The following KCND3 variants were observed in gnomAD, a reference collection of about 807,000 sequenced individuals.
The protein encoded by KCND3 is A-type voltage-gated potassium channel KCND3.
KCND3 carries 9 observed loss-of-function variants against 51.1 expected under a neutral mutation model. The observed-to-expected ratio is 0.18, with a 90% confidence interval of 0.11 to 0.31. The LOEUF (loss-of-function observed/expected upper bound fraction) is 0.31. Among genes scored for constraint, KCND3 ranks in the 10% least tolerant of loss-of-function variants. The probability of loss-of-function intolerance (pLI) is 1.00; values close to 1 mark genes in which losing one functional copy is unlikely to be tolerated. For missense variants in KCND3, 526 were observed against 903.8 expected (o/e 0.58, Z 5.36); for synonymous variants, 349 against 368.0 (o/e 0.95, Z 0.59).
intron 1 of KCND3, among the ~76,000 whole-genome samples, chr1:111,983,143 G>A (rs576340787): frequency 7.9e-5 from 12 of 152,290 alleles, no homozygotes; most frequent in South Asian, 2.1e-4. Context: ...AGGTTATGGC[G>A]TTATTACCAA....
chr1:111,910,799 A>G (rs192162896), intron 2 of KCND3: 4 of 152,318 alleles, frequency 2.6e-5, no homozygotes, highest in Non-Finnish European at 5.9e-5. Flanking sequence ...GAAGACCAGA[A>G]CTGGTCATTT....
intron 2 of KCND3, among the ~76,000 whole-genome samples, chr1:111,813,116 G>A (rs1342955854): frequency 1.3e-5 from 2 of 152,134 alleles, no homozygotes; most frequent in African/African-American, 2.4e-5. Flanking sequence ...TTTGCCTGGA[G>A]GCCAGTGGAC....
intron 2 of KCND3, among the ~76,000 whole-genome samples, chr1:111,977,671 A>G (rs1000154025): frequency 6.6e-6 from 1 of 152,134 alleles, no homozygotes; most frequent in African/African-American, 2.4e-5. Context: ...GTCCTTGCGG[A>G]TGCTCGCTTG....
intron 2 of KCND3, among the ~76,000 whole-genome samples, chr1:111,957,872 A>G (rs1267646565): frequency 6.6e-6 from 1 of 152,180 alleles, no homozygotes; most frequent in Non-Finnish European, 1.5e-5. Context: ...AAAACCCAAA[A>G]TATCGATTCT....
At chr1:111,777,985 G>A (rs1664204153) in intron 6 of KCND3, among the ~76,000 whole-genome samples, 1 of 152,200 alleles carries the variant, frequency 6.6e-6, no homozygotes, top group South Asian at 2.1e-4. Flanking sequence ...AAAAATGGCT[G>A]TTTGGCCAAG....
intron 2 of KCND3, among the ~76,000 whole-genome samples, chr1:111,924,866 ACCTGGGAGGGAAGCCAGAC>A (rs1429038427): frequency 2.0e-5 from 3 of 152,188 alleles, no homozygotes; most frequent in Non-Finnish European, 4.4e-5. Flanking sequence ...GCTGTCTCCT[ACCTGGGAGGGAAGCCAGAC>A]CCTGCATGTG....
At chr1:111,944,239 G>A (rs1672670467) in intron 2 of KCND3, among the ~76,000 whole-genome samples, 1 of 152,184 alleles carries the variant, frequency 6.6e-6, no homozygotes, top group Non-Finnish European at 1.5e-5. Context: ...CCCGGCTGAG[G>A]GGAGAGGAAA....
intron 2 of KCND3, among the ~76,000 whole-genome samples, chr1:111,890,341 G>C (rs574262845): frequency 6.6e-6 from 1 of 152,162 alleles, no homozygotes; most frequent in Non-Finnish European, 1.5e-5. Flanking sequence ...GGATATGGGC[G>C]TGAGATTAAC....
intron 2 of KCND3, among the ~76,000 whole-genome samples, chr1:111,939,392 C>G (rs893227234): frequency 1.2e-4 from 19 of 152,128 alleles, no homozygotes; most frequent in Non-Finnish European, 1.9e-4. Context: ...TCCCCACCCC[C>G]CAACAGGCCC....
intron 2 of KCND3, among the ~76,000 whole-genome samples, chr1:111,823,178 G>C (rs1666424416): frequency 6.6e-6 from 1 of 152,244 alleles, no homozygotes; most frequent in Non-Finnish European, 1.5e-5. Flanking sequence ...CTGGGGGGCA[G>C]GGCAGGGTGT....
chr1:111,791,098 A>G (rs537970917), intron 2 of KCND3, among the ~76,000 whole-genome samples: 1 of 152,362 alleles, frequency 6.6e-6, no homozygotes, highest in South Asian at 2.1e-4. Flanking sequence ...ACTATGTTGA[A>G]TAGTTTGAGG....
intron 2 of KCND3, among the ~76,000 whole-genome samples, chr1:111,802,013 G>A (rs938537938): frequency 6.6e-6 from 1 of 152,240 alleles, no homozygotes; most frequent in Non-Finnish European, 1.5e-5. Context: ...ACCCAGCTGA[G>A]AGACCTCAAG....
chr1:111,872,546 C>A (rs1668872176), intron 2 of KCND3, among the ~76,000 whole-genome samples: 1 of 152,104 alleles, frequency 6.6e-6, no homozygotes, highest in African/African-American at 2.4e-5. Context: ...GCATTAGGAT[C>A]AGATACATGA....
chr1:111,909,356 C>A (rs1353490634), intron 2 of KCND3: 1 of 152,070 alleles, frequency 6.6e-6, no homozygotes, highest in East Asian at 1.9e-4. Context: ...GTGTGAGGAC[C>A]CTATTGAGGG....
In KCND3 at chr1:111,777,238, C is replaced by G. The variant is rs774340229; in HGVS notation, c.1554G>C (p.Gln518His). 1.2e-6 allele frequency: 2 copies of G among 1,614,180 alleles called. No individual in the cohort carries two copies. Among genetic ancestry groups the G allele is most frequent in the Non-Finnish European group, 8.5e-7 (1 of 1,180,036 alleles). The change falls in exon 7 of 8, where the codon CAG (glutamine) becomes CAC (histidine). Residue 518 changes from glutamine (Q) to histidine (H), a missense_variant. Transcript: ENST00000302127. The stretch of plus-strand genomic sequence containing the variant: ...TCTGCATTGAACTCTCCATGCAGTT[C>G]TGCTCAAACATCTGCTCATCAATAA... ...HEFIDEQMFE[Q>H]NCMESSMQNY...
chr1:111,834,622 T>A (rs1666991738), intron 2 of KCND3, among the ~76,000 whole-genome samples: 1 of 152,204 alleles, frequency 6.6e-6, no homozygotes, highest in African/African-American at 2.4e-5. Context: ...ACTTTTGCAA[T>A]AATGAAGAAC....
intron 5 of KCND3, among the ~76,000 whole-genome samples, chr1:111,779,222 G>A (rs1472455605): frequency 4.6e-5 from 7 of 152,266 alleles, no homozygotes; most frequent in African/African-American, 1.7e-4. Flanking sequence ...CTACTTGGGA[G>A]GCTGAGGTGG....
At chr1:111,881,056 G>A (rs940293503) in intron 2 of KCND3, among the ~76,000 whole-genome samples, 10 of 152,146 alleles carry the variant, frequency 6.6e-5, no homozygotes, top group African/African-American at 2.4e-4. Flanking sequence ...CTCAGCTGCT[G>A]GCTCTGTCTC....
chr1:111,931,266 G>C (rs968544001), intron 2 of KCND3, among the ~76,000 whole-genome samples: 1 of 152,176 alleles, frequency 6.6e-6, no homozygotes, highest in Non-Finnish European at 1.5e-5. Flanking sequence ...GAGAAGAGAT[G>C]AGGAGGGTGG....
Sources: allele counts gnomAD v4.1 joint callset (sites outside exome capture counted in the v4.1 genomes callset), GRCh38; gene constraint gnomAD v4.1.1; transcripts MANE v1.5; gene names NCBI Gene and HGNC (gene_info 2026-07-23, HGNC 2026-07-21).